Variants in ZFAT observed in about 807,000 individuals in gnomAD.
ZFAT encodes zinc finger and AT-hook domain containing.
In ZFAT, 64 loss-of-function variants were observed where a neutral mutation model predicts 117.7. The ratio of observed to expected loss-of-function variants is 0.54; its 90% CI spans 0.44 to 0.67. The LOEUF (loss-of-function observed/expected upper bound fraction) is 0.67. Ranked by LOEUF, ZFAT falls within the 30% of genes least tolerant of loss-of-function variation. The pLI is 0.00. For synonymous variants in ZFAT, 679 were observed against 615.0 expected, an observed-to-expected ratio of 1.10 and a Z score of -1.54; for missense variants, 1,433 against 1,584.5, an observed-to-expected ratio of 0.90 and a Z score of 1.62.
the ZFAT span, among the ~76,000 whole-genome samples, chr8:134,764,024 G>A: frequency 3.9e-3 from 587 of 152,198 alleles, 2 homozygotes; most frequent in Non-Finnish European, 6.6e-3. Flanking sequence ...AACAGCAAGG[G>A]GTTTTCTAAA....
chr8:134,571,076 C>T (rs929063390), intron 10 of ZFAT, among the ~76,000 whole-genome samples: 2 of 152,210 alleles, frequency 1.3e-5, no homozygotes, highest in Non-Finnish European at 2.9e-5. Context: ...TGCTGGGTGC[C>T]AGGACCATGC....
chr8:134,563,917 C>G (rs1824233605), intron 11 of ZFAT, among the ~76,000 whole-genome samples: 2 of 152,090 alleles, frequency 1.3e-5, no homozygotes, highest in Admixed American at 1.3e-4. Context: ...AGAACTGAAG[C>G]CTCGAACATT....
At chr8:134,781,618 G>C in the ZFAT span, among the ~76,000 whole-genome samples, 1 of 151,946 alleles carries the variant, frequency 6.6e-6, no homozygotes, top group Non-Finnish European at 1.5e-5. Context: ...TGAACACCAC[G>C]GGTTTGAAAT....
chr8:134,623,756 C>T (rs974516057), intron 3 of ZFAT, among the ~76,000 whole-genome samples: 5 of 152,004 alleles, frequency 3.3e-5, no homozygotes, highest in Non-Finnish European at 7.4e-5. Flanking sequence ...GTAGTACTCC[C>T]CTCCTCTCCT....
the ZFAT span, among the ~76,000 whole-genome samples, chr8:134,825,073 A>G: frequency 1.3e-5 from 2 of 152,214 alleles, no homozygotes; most frequent in Non-Finnish European, 2.9e-5. Context: ...GGAAATCTAA[A>G]TGTGATTACT....
chr8:134,786,410 A>G, the ZFAT span, among the ~76,000 whole-genome samples: 1 of 152,196 alleles, frequency 6.6e-6, no homozygotes, highest in Non-Finnish European at 1.5e-5. Context: ...TATCGTACTA[A>G]TACGTTTATT....
the ZFAT span, among the ~76,000 whole-genome samples, chr8:134,800,272 T>G: frequency 6.6e-6 from 1 of 152,280 alleles, no homozygotes; most frequent in Non-Finnish European, 1.5e-5. Context: ...TTAGAGTAAT[T>G]TTTCCTCTAT....
intron 5 of ZFAT, 69 bp from the exon 6 acceptor site, chr8:134,603,002 T>G: frequency 6.5e-7 from 1 of 1,535,058 alleles, no homozygotes; most frequent in Non-Finnish European, 8.7e-7. Context: ...TACATCCTTT[T>G]CATGAACCAA....
intron 1 of ZFAT, among the ~76,000 whole-genome samples, chr8:134,707,149 C>T (rs185990755): frequency 1.0e-3 from 154 of 152,258 alleles, no homozygotes; most frequent in African/African-American, 3.4e-3. Flanking sequence ...GGCACCTCTG[C>T]TCACCCTACA....
chr8:134,592,939 C>G (rs1826631383), intron 7 of ZFAT, among the ~76,000 whole-genome samples: 1 of 152,236 alleles, frequency 6.6e-6, no homozygotes, highest in Non-Finnish European at 1.5e-5. Context: ...CCACACATGT[C>G]CAAGGGATCC....
chr8:134,773,484 T>G, the ZFAT span, among the ~76,000 whole-genome samples: 1 of 152,240 alleles, frequency 6.6e-6, no homozygotes, highest in Non-Finnish European at 1.5e-5. Flanking sequence ...GATCAAGGAA[T>G]AAGTTAGACT....
chr8:134,751,543 T>C, the ZFAT span, among the ~76,000 whole-genome samples: 1 of 152,150 alleles, frequency 6.6e-6, no homozygotes, highest in Admixed American at 6.5e-5. Context: ...GAACACTACA[T>C]CAGAATCTGA....
chr8:134,666,890 C>T (rs1324993873), intron 1 of ZFAT, among the ~76,000 whole-genome samples: 1 of 152,066 alleles, frequency 6.6e-6, no homozygotes, highest in African/African-American at 2.4e-5. Context: ...GATATAAATC[C>T]ACTAATTCAA....
chr8:134,499,620 G>A (rs575938547), intron 15 of ZFAT, among the ~76,000 whole-genome samples: 2 of 151,536 alleles, frequency 1.3e-5, no homozygotes, highest in South Asian at 2.1e-4. Flanking sequence ...TGGGAGGGTC[G>A]GGGTGGAGCC....
intron 12 of ZFAT, 42 bp downstream of exon 12, chr8:134,532,792 A>C: frequency 6.2e-7 from 1 of 1,600,814 alleles, no homozygotes; most frequent in Non-Finnish European, 8.5e-7. Flanking sequence ...CTTGGCCTAA[A>C]AGGAAGCGGG....
At chr8:134,708,769 A>C (rs1338619102) in intron 1 of ZFAT, among the ~76,000 whole-genome samples, 1 of 152,038 alleles carries the variant, frequency 6.6e-6, no homozygotes, top group East Asian at 1.9e-4. Context: ...CCTGACCAAC[A>C]TGGTGAAACC....
the ZFAT span, among the ~76,000 whole-genome samples, chr8:134,813,325 T>A: frequency 6.6e-6 from 1 of 152,246 alleles, no homozygotes; most frequent in South Asian, 2.1e-4. Flanking sequence ...AGGACATGGA[T>A]AACCGAGATG....
intron 9 of ZFAT, among the ~76,000 whole-genome samples, chr8:134,587,950 G>A (rs570732261): frequency 7.2e-5 from 11 of 152,294 alleles, no homozygotes; most frequent in South Asian, 4.2e-4. Flanking sequence ...ATAAGTCTCC[G>A]GTGTTCCTGT....
intron 10 of ZFAT, among the ~76,000 whole-genome samples, chr8:134,583,171 C>G (rs1308151787): frequency 6.6e-6 from 1 of 152,090 alleles, no homozygotes; most frequent in Middle Eastern, 3.2e-3. Flanking sequence ...CATCACTGCA[C>G]TTACCTTTAC....
Sources: gnomAD v4.1 joint callset for allele counts (sites outside exome capture counted in the v4.1 genomes callset) on GRCh38, gnomAD v4.1.1 for gene constraint, MANE v1.5 for transcripts, NCBI Gene and HGNC (gene_info 2026-07-23, HGNC 2026-07-21) for gene names.